CNTN3: variants seen among roughly 807,000 people sequenced by gnomAD.
The protein encoded by CNTN3 is contactin-3.
Under a neutral mutation model 119.1 loss-of-function variants are expected in CNTN3, and 60 were observed. That is an observed-to-expected ratio of 0.50 (90% CI 0.41 to 0.62). The LOEUF (loss-of-function observed/expected upper bound fraction) is 0.62, where lower values mean the gene tolerates loss of function less well. Among genes scored for constraint, CNTN3 ranks in the 20% least tolerant of loss-of-function variants. The pLI, the probability that CNTN3 is intolerant of heterozygous loss-of-function variation, is 0.00. For synonymous variants in CNTN3, 450 were observed against 438.7 expected, an observed-to-expected ratio of 1.03 and a Z score of -0.32; for missense variants, 1,101 against 1,242.4, an observed-to-expected ratio of 0.89 and a Z score of 1.71.
At chr3:74,463,386 C>G (rs1430401379) in intron 4 of CNTN3, among the ~76,000 whole-genome samples, 1 of 152,052 alleles carries the variant, frequency 6.6e-6, no homozygotes, top group Non-Finnish European at 1.5e-5. Context: ...AGATTAAAAG[C>G]TGGGTATGTA....
chr3:74,509,297 G>C (rs1438451263), intron 2 of CNTN3, among the ~76,000 whole-genome samples: 1 of 148,126 alleles, frequency 6.8e-6, no homozygotes, highest in African/African-American at 2.5e-5. Flanking sequence ...ATAAAAAAGT[G>C]GTGCTCCTTT....
intron 1 of CNTN3, among the ~76,000 whole-genome samples, chr3:74,589,275 C>T (rs1306098558): frequency 1.3e-5 from 2 of 152,094 alleles, no homozygotes; most frequent in East Asian, 3.8e-4. Flanking sequence ...AAACAAACAA[C>T]CGCATCAAAA....
At chr3:74,555,102 A>C (rs1326886844) in intron 1 of CNTN3, among the ~76,000 whole-genome samples, 3 of 152,172 alleles carry the variant, frequency 2.0e-5, no homozygotes, top group Non-Finnish European at 4.4e-5. Flanking sequence ...TACCTAGTTT[A>C]TTGAGAGTTT....
At chr3:74,437,197 G>A (rs967570105) in intron 4 of CNTN3, among the ~76,000 whole-genome samples, 3 of 152,086 alleles carry the variant, frequency 2.0e-5, no homozygotes, top group East Asian at 1.9e-4. Flanking sequence ...GGTGGCTCAC[G>A]CCTGTAATCC....
intron 5 of CNTN3, among the ~76,000 whole-genome samples, chr3:74,383,642 G>A (rs952730485): frequency 3.9e-5 from 6 of 152,024 alleles, no homozygotes; most frequent in East Asian, 3.9e-4. Flanking sequence ...ATGCCATGAC[G>A]CCTGGCTAAT....
In CNTN3 at chr3:74,545,811, C is replaced by T. The variant is rs188606314; in HGVS notation, c.-80-24619G>A. On this transcript the variant is annotated intron_variant, in intron 1 of 22. Coordinates refer to ENST00000263665, the MANE Select transcript of CNTN3 (RefSeq NM_020872.3). ...CAAAACTGATAAGATTTTTAAAGAA[C>T]GATTTCTATCACAATGTCAATATGG... Among the ~76,000 whole-genome samples the T allele has an allele frequency of 2.3e-4, 35 of 152,064 alleles. No individual in the cohort carries two copies. In the East Asian group the frequency reaches 3.9e-3, roughly 17 times the overall value.
At chr3:74,307,435 A>T (rs1702587588) in intron 13 of CNTN3, among the ~76,000 whole-genome samples, 1 of 152,208 alleles carries the variant, frequency 6.6e-6, no homozygotes, top group Admixed American at 6.6e-5. Context: ...TACAAGTATT[A>T]ACAGTAAATG....
chr3:74,561,870 TC>T (rs2107174933), intron 1 of CNTN3, among the ~76,000 whole-genome samples: 1 of 152,334 alleles, frequency 6.6e-6, no homozygotes, highest in South Asian at 2.1e-4. Context: ...AAGGAATACC[TC>T]TTCATGCCAA....
chr3:74,526,046 A>G (rs1193003191), intron 1 of CNTN3, among the ~76,000 whole-genome samples: 2 of 151,912 alleles, frequency 1.3e-5, no homozygotes, highest in South Asian at 2.1e-4. Context: ...TCTTTCAGAT[A>G]ACATGTACCT....
At chr3:74,459,523 C>G (rs1448220830) in intron 4 of CNTN3, among the ~76,000 whole-genome samples, 1 of 152,000 alleles carries the variant, frequency 6.6e-6, no homozygotes, top group East Asian at 1.9e-4. Context: ...TTCGAAGTCT[C>G]AGGTCTCTCC....
At chr3:74,418,342 C>CTTTCTTTT (rs372400495) in intron 5 of CNTN3, among the ~76,000 whole-genome samples, 1 of 99,632 alleles carries the variant, frequency 1.0e-5, no homozygotes, top group Non-Finnish European at 1.9e-5. Context: ...AAACATATTC[C>CTTTCTTTT]TTTTTTTTTT....
At position 74,592,765 on chromosome 3, in the gene CNTN3, T is replaced by C. The variant is rs376293481; in HGVS notation, c.-81+21626A>G. ...ACCTCTCTTGTTCTTAATAAACTGA[T>C]TTTTTAAAAACCTTAAACAAAACTT... On this transcript the variant is annotated intron_variant, in intron 1 of 22. Transcript: ENST00000263665. Among the ~76,000 whole-genome samples, 174 of 152,112 alleles carry C rather than the reference T, an allele frequency of 1.1e-3. 2 individuals are homozygous for C. The South Asian group carries it at 0.023, about 20-fold the overall frequency.
Position 74,614,351 on chromosome 3 carries a change from T to G in CNTN3, c.-81+40A>C, listed in dbSNP as rs1302426761. ...TGCCCTGGCAGGTGGCTCATCCCTG[T>G]GGCCCGGCCGGCGCCAGGAGTCGGG... On this transcript the variant is annotated intron_variant, in intron 1 of 22. Transcript: ENST00000263665. Among the ~76,000 whole-genome samples the G allele has an allele frequency of 5.6e-4, 85 of 152,060 alleles. 1 individual carries two copies. Among genetic ancestry groups the G allele is most frequent in the African/African-American group, 1.9e-3 (81 of 41,546 alleles).
chr3:74,405,111 A>C (rs1362646287), intron 5 of CNTN3, among the ~76,000 whole-genome samples: 1 of 152,064 alleles, frequency 6.6e-6, no homozygotes, highest in Non-Finnish European at 1.5e-5. Context: ...TAGTTGGTAA[A>C]GTGTGTCTTA....
At chr3:74,342,242 T>A (rs1187302304) in intron 11 of CNTN3, among the ~76,000 whole-genome samples, 2 of 152,194 alleles carry the variant, frequency 1.3e-5, no homozygotes, top group South Asian at 2.1e-4. Context: ...CATTTACAAC[T>A]GCTCTCACCC....
rs569392737 is a variant in CNTN3 at position 74,334,983 on chromosome 3, C to A, written c.1493-73G>T. On this transcript the variant is annotated intron_variant, in intron 12 of 22. Coordinates refer to ENST00000263665, the MANE Select transcript of CNTN3 (RefSeq NM_020872.3). ...AAGACATTTGCACAGGCAGACTGTT[C>A]ATCTAACTTATACTGTGTATGTCTG... 18 of 1,126,658 alleles carry A rather than the reference C, an allele frequency of 1.6e-5. No homozygotes were observed. The East Asian group carries it at 3.6e-4, about 23-fold the overall frequency. 69.8% of individuals were successfully genotyped at this position (1,126,658 alleles called of 1,614,324 possible).
At chr3:74,514,605 T>C (rs945363488) in intron 2 of CNTN3, among the ~76,000 whole-genome samples, 2 of 152,106 alleles carry the variant, frequency 1.3e-5, no homozygotes, top group African/African-American at 4.8e-5. Flanking sequence ...TCTTCTCCCA[T>C]AGTTTCATCC....
intron 11 of CNTN3, among the ~76,000 whole-genome samples, chr3:74,342,757 A>G (rs908657710): frequency 3.9e-5 from 6 of 152,216 alleles, no homozygotes; most frequent in African/African-American, 1.4e-4. Context: ...TCCTACTAAA[A>G]TGGACTCAAA....
chr3:74,277,370 A>G (rs559761884), intron 20 of CNTN3, among the ~76,000 whole-genome samples: 2 of 152,294 alleles, frequency 1.3e-5, no homozygotes. Flanking sequence ...AATCCTTAAC[A>G]AAACACTAGC....
Sources: gnomAD v4.1 joint callset for allele counts (sites outside exome capture counted in the v4.1 genomes callset) on GRCh38, gnomAD v4.1.1 for gene constraint, MANE v1.5 for transcripts, NCBI Gene and HGNC (gene_info 2026-07-23, HGNC 2026-07-21) for gene names.